The following UNC13C variants were observed in gnomAD, a reference collection of about 807,000 sequenced individuals.
UNC13C encodes unc-13 homolog C.
A neutral mutation model predicts 245.4 loss-of-function variants in UNC13C; 174 were observed. The observed-to-expected ratio is 0.71, with a 90% CI of 0.63 to 0.80. The LOEUF (loss-of-function observed/expected upper bound fraction) is 0.80, where lower values mean the gene tolerates loss of function less well. Ranked by LOEUF, UNC13C falls within the 30% of genes least tolerant of loss-of-function variation. The pLI is 0.00. For synonymous variants in UNC13C, 992 were observed against 895.1 expected (o/e 1.11, Z -1.93); for missense variants, 2,829 against 2,602.9 (o/e 1.09, Z -1.89).
rs1391411038 is a variant in UNC13C, at chr15:54,627,857, A to G, written c.*744A>G. ...TAGTGTTATGTCTTGGCTTTACCATATTTCATTCTTTAAAAAGTCATTAAT... is the reference window on the plus strand; with the variant it reads ...TAGTGTTATGTCTTGGCTTTACCATGTTTCATTCTTTAAAAAGTCATTAAT... On this transcript the variant is annotated 3_prime_UTR_variant, in exon 33 of 33. Transcript: ENST00000260323. 6.6e-6 allele frequency: 1 copy of G among 152,564 alleles called. No homozygotes were observed. Among genetic ancestry groups the G allele is most frequent in the Non-Finnish European group, 1.5e-5 (1 of 68,002 alleles). 9.5% of individuals were successfully genotyped at this position (152,564 alleles called of 1,614,324 possible). A position where few individuals can be genotyped will look rare whatever the true frequency, so the allele number is the denominator to read the frequency against.
intron 18 of UNC13C, among the ~76,000 whole-genome samples, chr15:54,411,181 A>T (rs2040409392): frequency 1.3e-5 from 2 of 151,958 alleles, no homozygotes; most frequent in African/African-American, 4.8e-5. Flanking sequence ...GCCCATTTTT[A>T]TTGAGTAATG....
At chr15:54,597,543 A>C (rs550402878) in intron 30 of UNC13C, among the ~76,000 whole-genome samples, 2 of 152,348 alleles carry the variant, frequency 1.3e-5, no homozygotes, top group East Asian at 1.9e-4. Context: ...AATGTTGGGC[A>C]TGGAGAATCA....
intron 19 of UNC13C, among the ~76,000 whole-genome samples, chr15:54,462,689 C>A (rs918848085): frequency 6.6e-6 from 1 of 152,250 alleles, no homozygotes; most frequent in African/African-American, 2.4e-5. Flanking sequence ...GCCACCTCCC[C>A]AGGGGCAGGG....
intron 17 of UNC13C, among the ~76,000 whole-genome samples, chr15:54,342,208 A>G (rs545030248): frequency 1.3e-5 from 2 of 152,242 alleles, no homozygotes; most frequent in South Asian, 4.1e-4. Flanking sequence ...ATCTAAAAAT[A>G]TTGTGGATAC....
chr15:54,177,527 G>A (rs1415666940), intron 4 of UNC13C, among the ~76,000 whole-genome samples: 1 of 152,124 alleles, frequency 6.6e-6, no homozygotes, highest in Non-Finnish European at 1.5e-5. Context: ...AGAGGTTAAA[G>A]AGAGGCCATA....
At chr15:54,308,201 A>C (rs1480786416) in intron 13 of UNC13C, among the ~76,000 whole-genome samples, 3 of 151,888 alleles carry the variant, frequency 2.0e-5, no homozygotes, top group Non-Finnish European at 4.4e-5. Flanking sequence ...TGTGAGTTAG[A>C]GGATTGTTTT....
the UNC13C span, among the ~76,000 whole-genome samples, chr15:53,930,839 G>C: frequency 1.3e-5 from 2 of 152,274 alleles, no homozygotes; most frequent in African/African-American, 4.8e-5. Flanking sequence ...TTTTAGTACT[G>C]AGATCTTAAG....
intron 2 of UNC13C, among the ~76,000 whole-genome samples, chr15:54,088,574 T>A (rs898715071): frequency 6.6e-6 from 1 of 152,208 alleles, no homozygotes. Context: ...CAGAGGTTGA[T>A]TACAGACAGG....
the UNC13C span, among the ~76,000 whole-genome samples, chr15:53,889,125 T>C: frequency 2.6e-5 from 4 of 152,204 alleles, no homozygotes; most frequent in Non-Finnish European, 5.9e-5. Flanking sequence ...GCATTGAATC[T>C]ATAAATTTCT....
At chr15:54,403,857 A>T (rs1295530321) in intron 18 of UNC13C, among the ~76,000 whole-genome samples, 3 of 151,996 alleles carry the variant, frequency 2.0e-5, no homozygotes, top group South Asian at 4.1e-4. Context: ...AAAAAGGGTG[A>T]TTGGCTTCAA....
At chr15:53,941,927 G>A in the UNC13C span, among the ~76,000 whole-genome samples, 7 of 152,226 alleles carry the variant, frequency 4.6e-5, no homozygotes, top group Admixed American at 2.0e-4. Flanking sequence ...TGAGGTTGCC[G>A]AGAAAAAGGA....
At chr15:54,194,206 T>A (rs2034279859) in intron 4 of UNC13C, among the ~76,000 whole-genome samples, 2 of 150,002 alleles carry the variant, frequency 1.3e-5, no homozygotes, top group Admixed American at 1.3e-4. Context: ...GGGGTGATAG[T>A]TTAGACTAGA....
the UNC13C span, among the ~76,000 whole-genome samples, chr15:53,915,201 G>T: frequency 1.8e-4 from 27 of 152,252 alleles, no homozygotes; most frequent in South Asian, 6.2e-4. Context: ...TTCAGTAGAA[G>T]GTCCACTTTT....
rs536518295 is a variant in UNC13C at position 54,293,154 on chromosome 15, A to G, written c.3819-741A>G. On this transcript the variant is annotated intron_variant, in intron 10 of 32. Coordinates refer to ENST00000260323, the MANE Select transcript of UNC13C (RefSeq NM_001080534.3). ...GAGTTGATTGCAACTAAATGGTTCAATAAGTTGCAGGAAAAGTGATATACA... is the reference window on the plus strand; with the variant it reads ...GAGTTGATTGCAACTAAATGGTTCAGTAAGTTGCAGGAAAAGTGATATACA... 7.9e-5 allele frequency among the ~76,000 whole-genome samples: 12 copies of G among 151,968 alleles called. 1 individual carries two copies. The highest frequency in any genetic ancestry group is 1.9e-4 in the East Asian group (1 of 5,184).
intron 4 of UNC13C, among the ~76,000 whole-genome samples, chr15:54,201,169 TA>T (rs2034509710): frequency 6.6e-6 from 1 of 151,718 alleles, no homozygotes. Flanking sequence ...AAAATGGTAA[TA>T]AAAAAGTTGC....
chr15:54,195,426 G>A (rs1422704878), intron 4 of UNC13C, among the ~76,000 whole-genome samples: 1 of 152,142 alleles, frequency 6.6e-6, no homozygotes, highest in African/African-American at 2.4e-5. Context: ...AAAGAGCTGT[G>A]GGGATGCGAA....
intron 17 of UNC13C, among the ~76,000 whole-genome samples, chr15:54,382,145 C>A (rs2039739051): frequency 6.6e-6 from 1 of 152,072 alleles, no homozygotes; most frequent in Admixed American, 6.6e-5. Context: ...CCTGAATGAC[C>A]ATTGGATCAA....
At chr15:54,296,926 G>T (rs1025291071) in intron 11 of UNC13C, among the ~76,000 whole-genome samples, 1 of 152,180 alleles carries the variant, frequency 6.6e-6, no homozygotes, top group Non-Finnish European at 1.5e-5. Context: ...TACCGAACAC[G>T]TACGCACGCA....
intron 4 of UNC13C, among the ~76,000 whole-genome samples, chr15:54,232,435 T>C (rs769122094): frequency 1.3e-5 from 2 of 152,148 alleles, no homozygotes; most frequent in Non-Finnish European, 2.9e-5. Flanking sequence ...GAGTGAAGTG[T>C]CAGGCCCAAT....
Sources: gnomAD v4.1 joint callset for allele counts (sites outside exome capture counted in the v4.1 genomes callset) on GRCh38, gnomAD v4.1.1 for gene constraint, MANE v1.5 for transcripts, NCBI Gene and HGNC (gene_info 2026-07-23, HGNC 2026-07-21) for gene names.